BPTF: variants seen among roughly 807,000 people sequenced by gnomAD.
BPTF encodes bromodomain PHD finger transcription factor.
BPTF carries 18 observed loss-of-function variants against 292.5 expected under a neutral mutation model. The ratio of observed to expected loss-of-function variants is 0.06; its 90% CI spans 0.04 to 0.09. The LOEUF (loss-of-function observed/expected upper bound fraction) is 0.09. BPTF is among the 10% of genes least tolerant of loss of function. The pLI is 1.00. For missense variants in BPTF, 2,726 were observed against 3,498.7 expected, an observed-to-expected ratio of 0.78 and a Z score of 5.57; for synonymous variants, 1,225 against 1,251.9, an observed-to-expected ratio of 0.98 and a Z score of 0.45.
At chr17:67,925,845 G>T (rs1247922026) in intron 15 of BPTF, among the ~76,000 whole-genome samples, 2 of 151,968 alleles carry the variant, frequency 1.3e-5, no homozygotes, top group African/African-American at 2.4e-5. Flanking sequence ...AGTTTGAGAT[G>T]ATAGCACTTT....
Position 67,907,382 on chromosome 17 carries a change from G to C in BPTF, c.2813-2200G>C, listed in dbSNP as rs4337327. On this transcript the variant is annotated intron_variant, in intron 9 of 27. Transcript: ENST00000306378. ...ACTTTTTTTTTTTTTTTGAGATGGA[G>C]TTTTGCTCTGTCACCCAGGCTAGAG... Among the ~76,000 whole-genome samples, 269 of 146,874 alleles carry C rather than the reference G, an allele frequency of 1.8e-3. 5 individuals are homozygous for C. The East Asian group carries it at 0.042, about 23-fold the overall frequency.
intron 2 of BPTF, among the ~76,000 whole-genome samples, chr17:67,859,478 A>G (rs556070265): frequency 3.4e-4 from 52 of 152,374 alleles, no homozygotes; most frequent in Non-Finnish European, 6.0e-4. Flanking sequence ...CATCTTATAG[A>G]TAAAGAGACT....
At chr17:67,904,930 A>G in intron 9 of BPTF, 90 bp downstream of exon 9, 3 of 1,129,276 alleles carry the variant, frequency 2.7e-6, no homozygotes, top group Non-Finnish European at 3.6e-6. Context: ...TTTAGATAAA[A>G]ACATTTTTCT....
At chr17:67,941,978 G>GA (rs1555672119) in intron 19 of BPTF, among the ~76,000 whole-genome samples, 1 of 151,990 alleles carries the variant, frequency 6.6e-6, no homozygotes, top group Non-Finnish European at 1.5e-5. Context: ...AATCAAGAAA[G>GA]AAAAAAATCC....
chr17:67,957,942 G>A (rs1555681776), intron 23 of BPTF, among the ~76,000 whole-genome samples: 1 of 152,176 alleles, frequency 6.6e-6, no homozygotes, highest in Admixed American at 6.5e-5. Flanking sequence ...TTGTTCCTAG[G>A]GTAATAAGGT....
chr17:67,917,844 C>T (rs973664440), intron 11 of BPTF, among the ~76,000 whole-genome samples: 3 of 151,972 alleles, frequency 2.0e-5, no homozygotes, highest in African/African-American at 7.3e-5. Flanking sequence ...CAGAGTCTCG[C>T]TCTGTCGCCT....
At chr17:67,933,082 A>C (rs928940792) in intron 18 of BPTF, among the ~76,000 whole-genome samples, 1 of 151,832 alleles carries the variant, frequency 6.6e-6, no homozygotes, top group Non-Finnish European at 1.5e-5. Flanking sequence ...GGGAAACCCT[A>C]TCTCTACTAA....
intron 15 of BPTF, among the ~76,000 whole-genome samples, chr17:67,927,074 C>G (rs1220884248): frequency 6.6e-6 from 1 of 152,094 alleles, no homozygotes; most frequent in South Asian, 2.1e-4. Context: ...AAAAATTGGA[C>G]GTGATGTCAT....
rs1221363074 is a variant in BPTF at position 67,975,878 on chromosome 17, A to G, written c.8646A>G (p.Pro2882=). Residue 2882 remains proline (P), a synonymous_variant, in exon 27 of 28, where the codon CCA becomes CCG. Transcript: ENST00000306378. ...KIFDNCRYYN[P]SDSPFYQCAE... is the part of the protein sequence containing the mutation. Reference sequence around the variant, plus strand: ...TTGATAACTGTCGTTACTACAATCCAAGTGACTCCCCATTTTACCAGTGTG... The same window carrying G: ...TTGATAACTGTCGTTACTACAATCCGAGTGACTCCCCATTTTACCAGTGTG... 1.2e-6 allele frequency: 2 copies of G among 1,614,060 alleles called. No homozygotes were observed. The highest frequency in any genetic ancestry group is 1.6e-4 in the Middle Eastern group (1 of 6,062).
chr17:67,891,871 A>C lies in BPTF; in HGVS notation c.1892A>C (p.Asn631Thr). The C allele has an allele frequency of 6.2e-7, 1 of 1,606,394 alleles. No homozygotes were observed. The highest frequency in any genetic ancestry group is 8.5e-7 in the Non-Finnish European group (1 of 1,177,026). The change falls in exon 5 of 28, where the codon AAC (asparagine) becomes ACC (threonine). Residue 631 changes from asparagine (N) to threonine (T), a missense_variant. Asn to Thr is a moderately conservative substitution (Grantham distance 65). Transcript: ENST00000306378. The stretch of plus-strand genomic sequence containing the variant: ...GGTGATTTCAAATCGGAGAAGTCCA[A>C]CGGGGAGCTAAGTGAATCTCCTGGA... ...EVGDFKSEKSNGELSESPGAG... is the reference protein window; with the variant it reads ...EVGDFKSEKSTGELSESPGAG...
chr17:67,898,508 C>G (rs2061600273), intron 7 of BPTF, among the ~76,000 whole-genome samples: 1 of 151,852 alleles, frequency 6.6e-6, no homozygotes, highest in Non-Finnish European at 1.5e-5. Flanking sequence ...TGGGGTCTCC[C>G]TATGTTACTC....
intron 7 of BPTF, among the ~76,000 whole-genome samples, chr17:67,897,335 C>CT (rs1242604693): frequency 2.5e-5 from 2 of 81,240 alleles, no homozygotes; most frequent in African/African-American, 1.2e-4. Context: ...GAGTGAAACT[C>CT]TGTCTCAAAA....
intron 18 of BPTF, among the ~76,000 whole-genome samples, chr17:67,933,280 A>G (rs2064579312): frequency 6.6e-6 from 1 of 151,876 alleles, no homozygotes; most frequent in South Asian, 2.1e-4. Context: ...AAAAAAGGTA[A>G]AGATCATGGC....
At chr17:67,967,197 A>G (rs1396515753) in intron 26 of BPTF, among the ~76,000 whole-genome samples, 2 of 149,708 alleles carry the variant, frequency 1.3e-5, no homozygotes, top group East Asian at 2.0e-4. Context: ...GCTGGAGTGT[A>G]CTAGCGCGAT....
intron 9 of BPTF, among the ~76,000 whole-genome samples, chr17:67,908,812 A>C (rs917192715): frequency 7.4e-6 from 1 of 135,642 alleles, no homozygotes; most frequent in Non-Finnish European, 1.6e-5. Context: ...CTCTTGTTTC[A>C]GTTGTCACTG....
At position 67,947,748 on chromosome 17, in the gene BPTF, T is replaced by A; in HGVS notation, c.7640T>A (p.Val2547Glu). Residue 2547 changes from valine to glutamate, a missense_variant, in exon 22 of 28, where the codon GTA (valine) becomes GAA (glutamate). This residue lies in a region of BPTF where 570 missense variants were observed against 633.5 expected (regional missense o/e 0.90). Coordinates refer to ENST00000306378, the MANE Select transcript of BPTF (RefSeq NM_182641.4). ...QKQVVMKHNA[V>E]IEHLKQKKSM... ...AAGGTGGTGATGAAGCATAATGCTG[T>A]AATAGAACATTTAAAACAGAAAAAG... 6.4e-7 allele frequency: 1 copy of A among 1,554,984 alleles called. No homozygotes were observed. Among genetic ancestry groups the A allele is most frequent in the East Asian group, 2.4e-5 (1 of 41,636 alleles).
chr17:67,933,135 C>G (rs970825652), intron 18 of BPTF, among the ~76,000 whole-genome samples: 1 of 151,582 alleles, frequency 6.6e-6, no homozygotes, highest in Non-Finnish European at 1.5e-5. Context: ...CGCCTGTAAT[C>G]CCAGCTACTC....
At chr17:67,976,302 G>T (rs56092143) in intron 27 of BPTF, among the ~76,000 whole-genome samples, 1,597 of 152,268 alleles carry the variant, frequency 0.01, 33 homozygotes, top group African/African-American at 0.036. Context: ...GGGAAACCCC[G>T]TCTCTACCAA....
intron 7 of BPTF, among the ~76,000 whole-genome samples, chr17:67,895,225 C>T (rs1049462936): frequency 7.4e-5 from 11 of 147,732 alleles, no homozygotes; most frequent in African/African-American, 2.5e-4. Flanking sequence ...CCCAGGTACT[C>T]GGGAGGCTGA....
Sources: allele counts gnomAD v4.1 joint callset (sites outside exome capture counted in the v4.1 genomes callset), GRCh38; gene constraint gnomAD v4.1.1; regional missense constraint gnomAD v4.1.1; transcripts MANE v1.5; gene names NCBI Gene and HGNC (gene_info 2026-07-23, HGNC 2026-07-21).